The following BCLAF1 variants were observed in gnomAD, a reference collection of about 807,000 sequenced individuals.
The protein encoded by BCLAF1 is BCL2 associated transcription factor 1, also known as bcl-2-associated transcription factor 1.
Under a neutral mutation model 99.5 loss-of-function variants are expected in BCLAF1, and 10 were observed. The observed-to-expected ratio is 0.10, with a 90% confidence interval of 0.06 to 0.17. The LOEUF is 0.17. BCLAF1 is among the 10% of genes least tolerant of loss of function. The probability of loss-of-function intolerance (pLI) is 1.00; values close to 1 mark genes in which losing one functional copy is unlikely to be tolerated. For missense variants in BCLAF1, 636 were observed against 1,105.8 expected (o/e 0.58, Z 6.02); for synonymous variants, 255 against 370.9 (o/e 0.69, Z 3.59).
chr6:136,268,387 G>C, intron 9 of BCLAF1, 48 bp from the exon 10 acceptor site: 1 of 1,481,490 alleles, frequency 6.7e-7, no homozygotes, highest in Middle Eastern at 1.7e-4. Flanking sequence ...AAAAGATAAA[G>C]ACCCTGCTGA....
intron 6 of BCLAF1, among the ~76,000 whole-genome samples, chr6:136,275,235 GACATACTTAAAAA>G (rs1783112391): frequency 6.6e-6 from 1 of 151,984 alleles, no homozygotes; most frequent in African/African-American, 2.4e-5. Flanking sequence ...ACATTACAAT[GACATACTTAAAAA>G]ACACTTTTAG....
Position 136,256,767 on chromosome 6 carries a change from C to A in BCLAF1, c.*4343G>T, listed in dbSNP as rs1260802290. 2 of 152,854 alleles carry A rather than the reference C, an allele frequency of 1.3e-5. No individual in the cohort carries two copies. Among genetic ancestry groups the A allele is most frequent in the East Asian group, 1.9e-4 (1 of 5,264 alleles). 9.5% of individuals were successfully genotyped at this position (152,854 alleles called of 1,614,324 possible). A position where few individuals can be genotyped will look rare whatever the true frequency, so the allele number is the denominator to read the frequency against. On this transcript the variant is annotated 3_prime_UTR_variant, in exon 13 of 13. Transcript: ENST00000531224. Reference sequence around the variant, plus strand: ...CCACCTTACAAGTATCCTGAGAACTCAACAGAAAGTTTAGTTTTCCCTTCT... The same window carrying A: ...CCACCTTACAAGTATCCTGAGAACTAAACAGAAAGTTTAGTTTTCCCTTCT...
At chr6:136,265,153 ACT>A (rs535648242) in intron 11 of BCLAF1, among the ~76,000 whole-genome samples, 9 of 151,792 alleles carry the variant, frequency 5.9e-5, no homozygotes, top group Non-Finnish European at 1.3e-4. Context: ...TGGCATTTTT[ACT>A]CTCTCTCACT....
In BCLAF1 at chr6:136,259,416, CTG is replaced by C. The variant is rs986402232; in HGVS notation, c.*1692_*1693del. 4.6e-5 allele frequency: 7 copies of C among 152,062 alleles called. No homozygotes were observed. Among genetic ancestry groups the C allele is most frequent in the African/African-American group, 1.7e-4 (7 of 41,438 alleles). 9.4% of individuals were successfully genotyped at this position (152,062 alleles called of 1,614,324 possible). A position where few individuals can be genotyped will look rare whatever the true frequency, so the allele number is the denominator to read the frequency against. On this transcript the variant is annotated 3_prime_UTR_variant, in exon 13 of 13. Transcript: ENST00000531224. ...ATACAATAAAAGGGTCATGAAAATT[CTG>C]TGTTGGGAATCACATCCATGTTGCT...
intron 11 of BCLAF1, among the ~76,000 whole-genome samples, chr6:136,266,724 G>C (rs1013951634): frequency 2.0e-5 from 3 of 151,940 alleles, no homozygotes; most frequent in African/African-American, 7.2e-5. Context: ...CTGTCTTATA[G>C]ACAGATATAA....
intron 2 of BCLAF1, among the ~76,000 whole-genome samples, chr6:136,281,599 G>A (rs1479968124): frequency 6.6e-6 from 1 of 152,158 alleles, no homozygotes; most frequent in East Asian, 1.9e-4. Flanking sequence ...AAAGAAACCA[G>A]AGCTGCAAAT....
intron 6 of BCLAF1, chr6:136,274,310 A>AG (rs1782949983): frequency 3.2e-6 from 1 of 308,556 alleles, no homozygotes; most frequent in Non-Finnish European, 5.1e-6. Flanking sequence ...TTAAAAAAAA[A>AG]AAAAGAAAAA....
Position 136,275,512 on chromosome 6 carries a change from A to C in BCLAF1, c.1852+20T>G. ...ATGCAAGAGAAATTTAATTCACGAT[A>C]CTAAACATACTAAGCATACCTTTAA... is the stretch of plus-strand genomic sequence containing the variant. On this transcript the variant is annotated intron_variant, in intron 6 of 12. Transcript: ENST00000531224. 1 of 1,506,942 alleles carries C rather than the reference A, an allele frequency of 6.6e-7. No homozygotes were observed. The highest frequency in any genetic ancestry group is 8.8e-7 in the Non-Finnish European group (1 of 1,131,606). The allele number at this position is 1,506,942 out of a possible 1,614,324, so 93.3% of individuals were successfully genotyped here.
intron 11 of BCLAF1, among the ~76,000 whole-genome samples, chr6:136,264,930 A>T (rs1174155644): frequency 6.6e-6 from 1 of 152,206 alleles, no homozygotes; most frequent in Non-Finnish European, 1.5e-5. Flanking sequence ...TTAAAATAAG[A>T]CAGTTCTTAA....
intron 11 of BCLAF1, among the ~76,000 whole-genome samples, chr6:136,263,449 A>G (rs1289721186): frequency 6.6e-6 from 1 of 152,180 alleles, no homozygotes; most frequent in African/African-American, 2.4e-5. Context: ...GCAGCTACTT[A>G]ATTGAGATTT....
At position 136,258,571 on chromosome 6, in the gene BCLAF1, A is replaced by C. The variant is rs987434345; in HGVS notation, c.*2539T>G. 2 of 152,536 alleles carry C rather than the reference A, an allele frequency of 1.3e-5. No homozygotes were observed. The highest frequency in any genetic ancestry group is 2.4e-5 in the African/African-American group (1 of 41,452). The allele number at this position is 152,536 out of a possible 1,614,324, so 9.4% of individuals were successfully genotyped here. On this transcript the variant is annotated 3_prime_UTR_variant, in exon 13 of 13. Coordinates refer to ENST00000531224, the MANE Select transcript of BCLAF1 (RefSeq NM_014739.3). ...AAGATGTGTGAAATAGACACAGGTA[A>C]ACAAACAACAGCAGTTATTACTTGT...
chr6:136,285,386 T>TG (rs1321973269), intron 1 of BCLAF1, among the ~76,000 whole-genome samples: 1 of 152,154 alleles, frequency 6.6e-6, no homozygotes, highest in Non-Finnish European at 1.5e-5. Context: ...AGGACAAGTT[T>TG]GGGGGAGAAA....
intron 1 of BCLAF1, among the ~76,000 whole-genome samples, chr6:136,287,789 G>T (rs932579129): frequency 2.6e-5 from 4 of 152,204 alleles, no homozygotes; most frequent in African/African-American, 4.8e-5. Flanking sequence ...CAGCACTTTG[G>T]GTGGGCCAGG....
intron 6 of BCLAF1, among the ~76,000 whole-genome samples, chr6:136,274,845 A>C (rs1783033711): frequency 6.6e-6 from 1 of 151,774 alleles, no homozygotes; most frequent in African/African-American, 2.4e-5. Flanking sequence ...TACTGGTAAA[A>C]ATTTAAAAAA....
intron 1 of BCLAF1, among the ~76,000 whole-genome samples, chr6:136,289,484 C>G (rs1484758795): frequency 6.6e-6 from 1 of 152,012 alleles, no homozygotes; most frequent in Non-Finnish European, 1.5e-5. Context: ...TTCGCAAACA[C>G]GCGCGCGCCC....
intron 6 of BCLAF1, among the ~76,000 whole-genome samples, chr6:136,274,595 G>A (rs1467545015): frequency 6.6e-6 from 1 of 151,892 alleles, no homozygotes; most frequent in African/African-American, 2.4e-5. Context: ...ACTGCTAGAG[G>A]CAAGTTTCAT....
At chr6:136,273,970 T>A in intron 6 of BCLAF1, 1 of 1,203,878 alleles carries the variant, frequency 8.3e-7, no homozygotes, top group East Asian at 5.7e-5. Context: ...TACCGCCCAA[T>A]ATCCAGCACA....
chr6:136,262,279 T>C (rs917834130), intron 11 of BCLAF1, among the ~76,000 whole-genome samples: 10 of 152,138 alleles, frequency 6.6e-5, no homozygotes, highest in African/African-American at 1.9e-4. Context: ...TGTATGTAAT[T>C]TAATTAACAG....
In BCLAF1 at chr6:136,261,168, G is replaced by A; in HGVS notation, c.2758-53C>T. ...TAACAAAAGATGCGGAGAGTGAAAA[G>A]GAACCATATTAATAATTGTTCCTAA... On this transcript the variant is annotated intron_variant, in intron 12 of 12. Transcript: ENST00000531224. 1.9e-6 allele frequency: 3 copies of A among 1,563,884 alleles called. No homozygotes were observed. In the South Asian group the frequency reaches 3.6e-5, roughly 19 times the overall value.
Sources: allele counts gnomAD v4.1 joint callset (sites outside exome capture counted in the v4.1 genomes callset), GRCh38; gene constraint gnomAD v4.1.1; transcripts MANE v1.5; gene names NCBI Gene and HGNC (gene_info 2026-07-23, HGNC 2026-07-21).